Variants in NFKB1 observed in about 807,000 individuals in gnomAD.
The protein encoded by NFKB1 is nuclear factor NF-kappa-B p105 subunit.
NFKB1 carries 9 observed loss-of-function variants against 105.1 expected under a neutral mutation model. The ratio of observed to expected loss-of-function variants is 0.09; its 90% confidence interval spans 0.05 to 0.15. NFKB1 has a LOEUF of 0.15. Ranked by LOEUF, NFKB1 falls within the 10% of genes least tolerant of loss-of-function variation. The probability of loss-of-function intolerance (pLI) is 1.00; values close to 1 mark genes in which losing one functional copy is unlikely to be tolerated. For missense variants in NFKB1, 830 were observed against 1,203.7 expected (o/e 0.69, Z 4.59); for synonymous variants, 440 against 442.2 (o/e 1.00, Z 0.06).
Position 102,616,462 on chromosome 4 carries a change from C to T in NFKB1, c.2778C>T (p.Cys926=), listed in dbSNP as rs41452949. The T allele has an allele frequency of 2.5e-4, 396 of 1,614,052 alleles. 1 individual carries two copies. In the African/African-American group the frequency reaches 4.4e-3, roughly 18 times the overall value. ...IDELRDSDSV[C]DSGVETSFRK... is the part of the protein sequence containing the mutation. ...AGCTCCGAGACAGTGACAGTGTCTG[C>T]GACAGCGGCGTGGAGACATCCTTCC... is the stretch of plus-strand genomic sequence containing the variant. Residue 926 remains cysteine (C), a synonymous_variant, in exon 24 of 24, where the codon TGC becomes TGT. Transcript: ENST00000226574.
intron 10 of NFKB1, among the ~76,000 whole-genome samples, chr4:102,583,473 A>T (rs929432507): frequency 3.3e-5 from 5 of 152,216 alleles, no homozygotes; most frequent in African/African-American, 9.6e-5. Flanking sequence ...GATGTTGGCA[A>T]GATATTTAAT....
chr4:102,531,105 G>A (rs728440), intron 3 of NFKB1, among the ~76,000 whole-genome samples: 2,704 of 152,216 alleles, frequency 0.018, 39 homozygotes, highest in African/African-American at 0.045. Flanking sequence ...ACTTGGTTCT[G>A]TCCACAGGAA....
intron 1 of NFKB1, among the ~76,000 whole-genome samples, chr4:102,508,568 A>T (rs866525791): frequency 6.6e-6 from 1 of 152,186 alleles, no homozygotes; most frequent in Non-Finnish European, 1.5e-5. Context: ...CAAACCAAGC[A>T]AAAAACCTGG....
chr4:102,612,673 G>A (rs1728538769), intron 22 of NFKB1, 67 bp downstream of exon 22: 1 of 1,403,794 alleles, frequency 7.1e-7, no homozygotes, highest in African/African-American at 1.4e-5. Flanking sequence ...CTCTGGCCAG[G>A]GCATAATCTC....
intron 1 of NFKB1, among the ~76,000 whole-genome samples, chr4:102,513,397 TTGAG>T (rs1331809707): frequency 1.3e-5 from 2 of 152,216 alleles, no homozygotes; most frequent in African/African-American, 4.8e-5. Context: ...TAAATTTTAC[TTGAG>T]TATGATATAA....
rs4648109 is a variant in NFKB1 at position 102,612,474 on chromosome 4, G to A, written c.2460G>A (p.Leu820=). Residue 820 remains leucine (L), a synonymous_variant, in exon 22 of 24, where the codon CTG becomes CTA. Coordinates refer to ENST00000226574, the MANE Select transcript of NFKB1 (RefSeq NM_003998.4). The part of the protein sequence containing the change: ...KQLAEDVKLQ[L]YKLLEIPDPD... ...TGGCTGAAGATGTGAAGCTGCAGCT[G>A]TATAAGTTACTAGAAATTCCTGATC... 4 of 1,613,700 alleles carry A rather than the reference G, an allele frequency of 2.5e-6. No individual in the cohort carries two copies. The African/African-American group carries it at 5.3e-5, about 22-fold the overall frequency.
chr4:102,594,089 A>G (rs1726403263), intron 12 of NFKB1, among the ~76,000 whole-genome samples: 1 of 152,136 alleles, frequency 6.6e-6, no homozygotes, highest in Non-Finnish European at 1.5e-5. Context: ...ATTTTAATCC[A>G]TTTATTTGCA....
At chr4:102,505,815 G>A (rs1282658826) in intron 1 of NFKB1, among the ~76,000 whole-genome samples, 1 of 152,120 alleles carries the variant, frequency 6.6e-6, no homozygotes, top group African/African-American at 2.4e-5. Flanking sequence ...CATTGTACTT[G>A]TTGGTACATA....
chr4:102,581,498 A>T (rs548917301), intron 9 of NFKB1, among the ~76,000 whole-genome samples: 23 of 152,262 alleles, frequency 1.5e-4, no homozygotes, highest in African/African-American at 5.5e-4. Flanking sequence ...TTATCCAAAA[A>T]AATTTACAGG....
intron 5 of NFKB1, among the ~76,000 whole-genome samples, chr4:102,539,252 A>G (rs1209461964): frequency 1.3e-5 from 2 of 150,478 alleles, no homozygotes; most frequent in Non-Finnish European, 3.0e-5. Flanking sequence ...AAAAAAAAAA[A>G]AAAAAGAAAG....
At chr4:102,593,003 C>CT (rs1219933092) in intron 11 of NFKB1, among the ~76,000 whole-genome samples, 5 of 151,906 alleles carry the variant, frequency 3.3e-5, no homozygotes, top group East Asian at 3.9e-4. Context: ...TTATGTCATG[C>CT]TTTTTTTTAT....
At chr4:102,581,480 T>C (rs1001405493) in intron 9 of NFKB1, among the ~76,000 whole-genome samples, 2 of 152,080 alleles carry the variant, frequency 1.3e-5, no homozygotes, top group Non-Finnish European at 2.9e-5. Context: ...AGTAAACACA[T>C]ATATACTTTA....
At position 102,610,547 on chromosome 4, in the gene NFKB1, C is replaced by T. The variant is rs771594581; in HGVS notation, c.2228-28C>T. 11 of 1,612,294 alleles carry T rather than the reference C, an allele frequency of 6.8e-6. No individual in the cohort carries two copies. In the Admixed American group the frequency reaches 1.8e-4, roughly 27 times the overall value. ...TGGAAGTTGACAAGATCTGGGTTTA[C>T]CTAATGCTGTGTAATCTAACTTCGC... On this transcript the variant is annotated intron_variant, in intron 19 of 23. Transcript: ENST00000226574.
intron 11 of NFKB1, among the ~76,000 whole-genome samples, chr4:102,586,175 G>A (rs189059037): frequency 2.9e-4 from 44 of 152,298 alleles, no homozygotes; most frequent in Non-Finnish European, 4.7e-4. Flanking sequence ...AGGAATGAAA[G>A]GAGATGGTGG....
intron 5 of NFKB1, among the ~76,000 whole-genome samples, chr4:102,552,106 T>C (rs1722664496): frequency 6.6e-6 from 1 of 152,148 alleles, no homozygotes; most frequent in Non-Finnish European, 1.5e-5. Flanking sequence ...TTGCACTCTG[T>C]GATGAAAGGC....
chr4:102,549,476 T>TTA (rs1255626887), intron 5 of NFKB1, among the ~76,000 whole-genome samples: 6 of 149,802 alleles, frequency 4.0e-5, no homozygotes, highest in East Asian at 1.9e-4. Context: ...TATATTGAAT[T>TTA]TATATATATA....
intron 1 of NFKB1, among the ~76,000 whole-genome samples, chr4:102,504,666 A>G (rs1366197160): frequency 2.0e-5 from 3 of 152,156 alleles, no homozygotes; most frequent in African/African-American, 7.2e-5. Flanking sequence ...ATTAGTTCTC[A>G]TTTGCACTCT....
At chr4:102,515,654 G>T (rs1048476237) in intron 1 of NFKB1, among the ~76,000 whole-genome samples, 16 of 152,048 alleles carry the variant, frequency 1.1e-4, no homozygotes, top group Non-Finnish European at 7.4e-5. Context: ...TAATTAATGT[G>T]AGAACTTGAC....
chr4:102,504,453 T>C (rs1376409009), intron 1 of NFKB1, among the ~76,000 whole-genome samples: 4 of 152,184 alleles, frequency 2.6e-5, no homozygotes, highest in Non-Finnish European at 5.9e-5. Context: ...GTCTGTTGGT[T>C]TTCTGTTTAC....
Sources: allele counts gnomAD v4.1 joint callset (sites outside exome capture counted in the v4.1 genomes callset), GRCh38; gene constraint gnomAD v4.1.1; transcripts MANE v1.5; gene names NCBI Gene and HGNC (gene_info 2026-07-23, HGNC 2026-07-21).